The following SNX5 variants were observed in gnomAD, a reference collection of about 807,000 sequenced individuals.
SNX5 encodes sorting nexin 5, also known as sorting nexin-5.
SNX5 carries 31 observed loss-of-function variants against 53.9 expected under a neutral mutation model. That is an observed-to-expected ratio of 0.58 (90% confidence interval 0.43 to 0.78). The LOEUF (loss-of-function observed/expected upper bound fraction) is 0.78. Ranked by LOEUF, SNX5 falls within the 30% of genes least tolerant of loss-of-function variation. SNX5 has a pLI of 0.00. For synonymous variants in SNX5, 168 were observed against 171.1 expected, an observed-to-expected ratio of 0.98 and a Z score of 0.14; for missense variants, 471 against 478.8, an observed-to-expected ratio of 0.98 and a Z score of 0.15.
rs1484110925 is a variant in SNX5, at chr20:17,956,908, T to C, written c.156+25A>G. On this transcript the variant is annotated intron_variant, in intron 2 of 12. Transcript: ENST00000377759. Reference sequence around the variant, plus strand: ...AACAAGGCTGCAACCTAGCACTGTATGTATTACCACTGCATGTTACTTACC... The same window carrying C: ...AACAAGGCTGCAACCTAGCACTGTACGTATTACCACTGCATGTTACTTACC... 5 of 1,137,160 alleles carry C rather than the reference T, an allele frequency of 4.4e-6. No homozygotes were observed. In the African/African-American group the frequency reaches 4.6e-5, roughly 10 times the overall value. 70.4% of individuals were successfully genotyped at this position (1,137,160 alleles called of 1,614,324 possible).
At chr20:17,943,285 T>C in intron 11 of SNX5, 90 bp from the exon 12 acceptor site, 1 of 836,806 alleles carries the variant, frequency 1.2e-6, no homozygotes, top group Non-Finnish European at 2.1e-6. Context: ...TTACAAATGG[T>C]CTCCAATGCT....
At chr20:17,942,489 G>T in intron 12 of SNX5, 82 bp from the exon 13 acceptor site, 2 of 1,045,812 alleles carry the variant, frequency 1.9e-6, no homozygotes, top group Non-Finnish European at 3.0e-6. Flanking sequence ...CACCAACACG[G>T]CTTTTCACGG....
At chr20:17,960,702 GGGA>G (rs1388003158) in intron 1 of SNX5, among the ~76,000 whole-genome samples, 1 of 151,500 alleles carries the variant, frequency 6.6e-6, no homozygotes, top group Non-Finnish European at 1.5e-5. Flanking sequence ...GCTTGAACTC[GGGA>G]GGAGGAGGTT....
chr20:17,942,993 C>G (rs368261922), intron 12 of SNX5, 117 bp downstream of exon 12: 12 of 703,180 alleles, frequency 1.7e-5, no homozygotes, highest in Middle Eastern at 4.1e-4. Flanking sequence ...CTAAGTACTA[C>G]AGACGATTAA....
At chr20:17,962,693 C>G (rs1356904136) in intron 1 of SNX5, 2 of 517,422 alleles carry the variant, frequency 3.9e-6, no homozygotes, top group Non-Finnish European at 7.7e-6. Flanking sequence ...TAATAAAAAA[C>G]TAAAGGGCTG....
chr20:17,968,743 A>C lies in SNX5; in HGVS notation c.-318T>G. ...GGAGGCCGCCAACCGCAGGGCCGCG[A>C]CACGGACGGGAAGCAACGGACACTC... On this transcript the variant is annotated 5_prime_UTR_variant, in exon 1 of 13. Transcript: ENST00000377759. The C allele has an allele frequency of 2.5e-6, 1 of 398,182 alleles. No homozygotes were observed. Among genetic ancestry groups the C allele is most frequent in the Non-Finnish European group, 4.6e-6 (1 of 216,776 alleles). 24.7% of individuals were successfully genotyped at this position (398,182 alleles called of 1,614,324 possible). A position where few individuals can be genotyped will look rare whatever the true frequency, so the allele number is the denominator to read the frequency against.
At chr20:17,960,223 T>G (rs6136235) in intron 1 of SNX5, among the ~76,000 whole-genome samples, 87,476 of 151,934 alleles carry the variant, frequency 0.58, 25,574 homozygotes, top group African/African-American at 0.67. Flanking sequence ...CAATTTGGGA[T>G]GCCAAGGTAG....
chr20:17,955,993 G>A (rs2035346947), intron 2 of SNX5, among the ~76,000 whole-genome samples: 1 of 152,044 alleles, frequency 6.6e-6, no homozygotes, highest in African/African-American at 2.4e-5. Flanking sequence ...ACAGGTTTTT[G>A]CCATGTTGCC....
At chr20:17,950,591 C>T (rs2039553386) in intron 6 of SNX5, among the ~76,000 whole-genome samples, 195 bp from the exon 7 acceptor site, 1 of 152,278 alleles carries the variant, frequency 6.6e-6, no homozygotes, top group African/African-American at 2.4e-5. Flanking sequence ...CAAGGGCTGG[C>T]AGAAAATGTC....
chr20:17,956,673 CAAAAAAAAAAAAAAAAAAAAA>C (rs59252584), intron 2 of SNX5, among the ~76,000 whole-genome samples: 1 of 84,884 alleles, frequency 1.2e-5, no homozygotes, highest in Non-Finnish European at 2.2e-5. Context: ...AGACTGTCTC[CAAAAAAAAAAAAAAAAAAAAA>C]AAAAAAAAAA....
intron 1 of SNX5, among the ~76,000 whole-genome samples, chr20:17,960,922 C>G (rs1452755579): frequency 6.6e-6 from 1 of 152,130 alleles, no homozygotes; most frequent in Non-Finnish European, 1.5e-5. Context: ...GATCACGTAT[C>G]CAAAGTTTTA....
chr20:17,964,854 C>T (rs1471245439), intron 1 of SNX5, among the ~76,000 whole-genome samples: 1 of 152,142 alleles, frequency 6.6e-6, no homozygotes, highest in Non-Finnish European at 1.5e-5. Context: ...GCACAAGAAA[C>T]TCAGGTAAGT....
chr20:17,946,223 G>A (rs972410011), intron 11 of SNX5, among the ~76,000 whole-genome samples: 5 of 152,168 alleles, frequency 3.3e-5, no homozygotes, highest in Non-Finnish European at 2.9e-5. Context: ...TGTGTGCAAC[G>A]GCATATGTGT....
At position 17,942,406 on chromosome 20, in the gene SNX5, T is replaced by C. The variant is rs2039429974; in HGVS notation, c.1166A>G (p.Asn389Ser). The change falls in exon 13 of 13, where the codon AAC becomes AGC. Residue 389 changes from asparagine (N) to serine (S), a missense_variant and splice_region_variant. Asn to Ser is a conservative substitution (Grantham distance 46, BLOSUM62 1). Transcript: ENST00000377759. ...MSELEIKHAR[N>S]NVSLLQSCID... Reference sequence around the variant, plus strand: ...ACAGCTCTGCAAAAGGGAGACATTGTTCTGTGGGGAAAAAAGGCAAGGCAG... The same window carrying C: ...ACAGCTCTGCAAAAGGGAGACATTGCTCTGTGGGGAAAAAAGGCAAGGCAG... 6.2e-7 allele frequency: 1 copy of C among 1,611,012 alleles called. No homozygotes were observed. Among genetic ancestry groups the C allele is most frequent in the African/African-American group, 1.3e-5 (1 of 74,768 alleles).
At chr20:17,945,042 AG>A (rs2039468865) in intron 11 of SNX5, 2 of 152,230 alleles carry the variant, frequency 1.3e-5, no homozygotes, top group African/African-American at 4.8e-5. Context: ...TGTTCAGAGC[AG>A]ACTCACCCTC....
intron 11 of SNX5, 122 bp downstream of exon 11, chr20:17,947,364 A>T: frequency 9.9e-7 from 1 of 1,008,788 alleles, no homozygotes; most frequent in Non-Finnish European, 1.4e-6. Flanking sequence ...GATAAGGCAG[A>T]GGGGTGAAGT....
rs913086509 is a variant in SNX5, at chr20:17,955,566, AATAC to A, written c.157-95_157-92del. 4.0e-6 allele frequency: 3 copies of A among 753,090 alleles called. No homozygotes were observed. In the African/African-American group the frequency reaches 5.2e-5, roughly 13 times the overall value. The allele number at this position is 753,090 out of a possible 1,614,324, so 46.7% of individuals were successfully genotyped here. A position where few individuals can be genotyped will look rare whatever the true frequency, so the allele number is the denominator to read the frequency against. On this transcript the variant is annotated intron_variant, in intron 2 of 12. Transcript: ENST00000377759. Reference sequence around the variant, plus strand: ...GCTACACAGTGGGAAAATTCTGCATAATACATCATAATATGATCCAGTAAAGAAC... The same window carrying A: ...GCTACACAGTGGGAAAATTCTGCATAATCATAATATGATCCAGTAAAGAAC...
At chr20:17,953,385 A>G (rs2035299179) in intron 4 of SNX5, among the ~76,000 whole-genome samples, 1 of 152,224 alleles carries the variant, frequency 6.6e-6, no homozygotes, top group Admixed American at 6.5e-5. Context: ...TGTTTGAAAA[A>G]ATTAAATGAC....
Position 17,968,370 on chromosome 20 carries a change from C to T in SNX5, c.51+5G>A, listed in dbSNP as rs971562077. ...CCCAGGAGTCTGAGGCTGGGAGGAC[C>T]TCACCTTGCTGCGGTCCTCCTCCTG... On this transcript the variant is annotated splice_donor_5th_base_variant and intron_variant, in intron 1 of 12. Transcript: ENST00000377759. The T allele has an allele frequency of 1.6e-6, 2 of 1,273,808 alleles. No homozygotes were observed. Among genetic ancestry groups the T allele is most frequent in the African/African-American group, 3.1e-5 (2 of 64,534 alleles). 78.9% of individuals were successfully genotyped at this position (1,273,808 alleles called of 1,614,324 possible).
Sources: allele counts gnomAD v4.1 joint callset (sites outside exome capture counted in the v4.1 genomes callset), GRCh38; gene constraint gnomAD v4.1.1; transcripts MANE v1.5; gene names NCBI Gene and HGNC (gene_info 2026-07-23, HGNC 2026-07-21).